MTHFD1L: variants seen among roughly 807,000 people sequenced by gnomAD.
The protein encoded by MTHFD1L is monofunctional C1-tetrahydrofolate synthase, mitochondrial.
In MTHFD1L, 81 loss-of-function variants were observed where a neutral mutation model predicts 119.5. The ratio of observed to expected loss-of-function variants is 0.68; its 90% confidence interval spans 0.57 to 0.82. The LOEUF (loss-of-function observed/expected upper bound fraction) is 0.82, where lower values mean the gene tolerates loss of function less well. Ranked by LOEUF, MTHFD1L falls within the 40% of genes least tolerant of loss-of-function variation. The pLI is 0.00. For missense variants in MTHFD1L, 1,125 were observed against 1,253.4 expected (o/e 0.90, Z 1.55); for synonymous variants, 430 against 475.2 (o/e 0.90, Z 1.24).
intron 10 of MTHFD1L, among the ~76,000 whole-genome samples, chr6:150,925,775 G>T (rs2055600260): frequency 6.6e-6 from 1 of 152,044 alleles, no homozygotes; most frequent in Non-Finnish European, 1.5e-5. Context: ...TGAATACCAT[G>T]ATGGCCCATA....
chr6:151,023,412 C>T (rs998892630), intron 24 of MTHFD1L, among the ~76,000 whole-genome samples: 1 of 152,122 alleles, frequency 6.6e-6, no homozygotes, highest in Non-Finnish European at 1.5e-5. Flanking sequence ...AATCTAGATG[C>T]TTCTCCAACA....
chr6:151,059,153 G>C (rs963823662), intron 26 of MTHFD1L, among the ~76,000 whole-genome samples: 13 of 152,088 alleles, frequency 8.5e-5, no homozygotes, highest in African/African-American at 3.1e-4. Flanking sequence ...TGTTCTCCAG[G>C]GCCTTTTAGC....
chr6:150,967,612 C>G (rs888514862), intron 19 of MTHFD1L, among the ~76,000 whole-genome samples: 1 of 152,182 alleles, frequency 6.6e-6, no homozygotes, highest in South Asian at 2.1e-4. Flanking sequence ...TGAAACCTTC[C>G]CAGTCATTCA....
At chr6:150,932,116 C>T (rs1562403175) in intron 11 of MTHFD1L, among the ~76,000 whole-genome samples, 1 of 126,674 alleles carries the variant, frequency 7.9e-6, no homozygotes, top group Non-Finnish European at 1.6e-5. Context: ...GAGCAGAGAT[C>T]ACACCATTGC....
At chr6:150,905,966 C>T (rs1294643419) in intron 8 of MTHFD1L, among the ~76,000 whole-genome samples, 1 of 152,140 alleles carries the variant, frequency 6.6e-6, no homozygotes, top group African/African-American at 2.4e-5. Context: ...GGTGTCTGCT[C>T]CCACAGTGAA....
chr6:150,893,653 C>T lies in MTHFD1L; in HGVS notation c.780+5672C>T, dbSNP rs546640737. ...AGCTGAGGGTGAAAGGTTTGGGCAT[C>T]GGTGTGACTGTGTAACACTAGAGTT... On this transcript the variant is annotated intron_variant, in intron 7 of 27. Transcript: ENST00000367321. 1.6e-3 allele frequency among the ~76,000 whole-genome samples: 237 copies of T among 152,266 alleles called. 1 individual carries two copies. Among genetic ancestry groups the T allele is most frequent in the Non-Finnish European group, 2.8e-3 (191 of 68,024 alleles).
chr6:151,004,745 A>G (rs1005056165), intron 20 of MTHFD1L, among the ~76,000 whole-genome samples: 5 of 152,230 alleles, frequency 3.3e-5, no homozygotes, highest in Non-Finnish European at 7.3e-5. Context: ...ACCATGCTAT[A>G]GAATCACTAT....
At chr6:151,029,334 A>G (rs985866150) in intron 24 of MTHFD1L, among the ~76,000 whole-genome samples, 2 of 151,400 alleles carry the variant, frequency 1.3e-5, no homozygotes, top group African/African-American at 4.9e-5. Context: ...GGCAGAAAGA[A>G]TTGCTTGACC....
intron 26 of MTHFD1L, among the ~76,000 whole-genome samples, chr6:151,064,438 C>G (rs1460150254): frequency 6.6e-6 from 1 of 151,926 alleles, no homozygotes; most frequent in Non-Finnish European, 1.5e-5. Flanking sequence ...CTCAGCCTCC[C>G]GAGTATCTGG....
intron 26 of MTHFD1L, among the ~76,000 whole-genome samples, chr6:151,080,947 A>G (rs1793083370): frequency 6.6e-6 from 1 of 152,202 alleles, no homozygotes; most frequent in African/African-American, 2.4e-5. Flanking sequence ...TCTGTCACCC[A>G]GGATGGAGTG....
At chr6:150,946,913 A>C (rs1414569473) in intron 15 of MTHFD1L, among the ~76,000 whole-genome samples, 3 of 151,336 alleles carry the variant, frequency 2.0e-5, no homozygotes, top group Admixed American at 2.0e-4. Context: ...ATCTCTACTA[A>C]AAATACAAAA....
At chr6:151,085,013 T>TA (rs1793649518) in intron 26 of MTHFD1L, among the ~76,000 whole-genome samples, 1 of 129,922 alleles carries the variant, frequency 7.7e-6, no homozygotes, top group Non-Finnish European at 1.7e-5. Context: ...ATGTATATAT[T>TA]TATATATGTA....
chr6:151,099,914 G>T, intron 27 of MTHFD1L: 2 of 1,304,398 alleles, frequency 1.5e-6, no homozygotes, highest in South Asian at 1.2e-5. Flanking sequence ...GCCAGGCTGT[G>T]CAGCGAAGAA....
In MTHFD1L at chr6:151,015,652, G is replaced by A. The variant is rs1410727354; in HGVS notation, c.2545G>A (p.Ala849Thr). Residue 849 changes from alanine (A) to threonine (T), a missense_variant, in exon 24 of 28, where the codon GCG becomes ACG. By Grantham distance (58) the Ala-to-Thr change is moderately conservative. Transcript: ENST00000367321. Reference protein sequence around the residue: ...VDLARAVREAASKRSRFQFLY... With the variant: ...VDLARAVREATSKRSRFQFLY... ...CTTGGCTCGGGCTGTGAGAGAGGCT[G>A]CGAGTAAAAGAAGCCGATTCCAGTT... The A allele has an allele frequency of 1.2e-6, 2 of 1,614,058 alleles. No homozygotes were observed. The highest frequency in any genetic ancestry group is 1.7e-6 in the Non-Finnish European group (2 of 1,180,012).
At chr6:151,035,287 T>C (rs1288480232) in intron 25 of MTHFD1L, among the ~76,000 whole-genome samples, 5 of 152,162 alleles carry the variant, frequency 3.3e-5, no homozygotes, top group African/African-American at 1.2e-4. Context: ...ACCGTATGCC[T>C]CGAGTGTCCC....
chr6:150,945,241 AT>A (rs1440870462), intron 14 of MTHFD1L, among the ~76,000 whole-genome samples: 1 of 152,256 alleles, frequency 6.6e-6, no homozygotes, highest in South Asian at 2.1e-4. Flanking sequence ...CAAGAAATAT[AT>A]TTATGCAAAC....
intron 21 of MTHFD1L, among the ~76,000 whole-genome samples, chr6:151,011,126 C>A (rs928112852): frequency 4.6e-5 from 7 of 152,178 alleles, no homozygotes; most frequent in African/African-American, 1.7e-4. Flanking sequence ...TTTCTAAATC[C>A]AAATCCACTC....
chr6:151,004,551 C>T (rs1781120065), intron 20 of MTHFD1L, among the ~76,000 whole-genome samples: 1 of 152,176 alleles, frequency 6.6e-6, no homozygotes, highest in South Asian at 2.1e-4. Context: ...ACTCTGGCCG[C>T]ACCCGTGGAT....
intron 11 of MTHFD1L, among the ~76,000 whole-genome samples, chr6:150,931,268 C>CTTTT (rs370763551): frequency 1.9e-4 from 24 of 123,716 alleles, no homozygotes; most frequent in Admixed American, 3.3e-4. Context: ...ATCATTTCAT[C>CTTTT]TTTTTTTTTT....
Sources: gnomAD v4.1 joint callset for allele counts (sites outside exome capture counted in the v4.1 genomes callset) on GRCh38, gnomAD v4.1.1 for gene constraint, MANE v1.5 for transcripts, NCBI Gene and HGNC (gene_info 2026-07-23, HGNC 2026-07-21) for gene names.